The following SULF1 variants were observed in gnomAD, a reference collection of about 807,000 sequenced individuals.
SULF1 encodes extracellular sulfatase Sulf-1.
SULF1 carries 46 observed loss-of-function variants against 110.5 expected under a neutral mutation model. The observed-to-expected ratio is 0.42, with a 90% CI of 0.33 to 0.53. The LOEUF (loss-of-function observed/expected upper bound fraction) is 0.53. Ranked by LOEUF, SULF1 falls within the 20% of genes least tolerant of loss-of-function variation. The pLI is 0.12. For missense variants in SULF1, 941 were observed against 1,094.2 expected (o/e 0.86, Z 1.98); for synonymous variants, 371 against 387.1 (o/e 0.96, Z 0.49).
In SULF1 at chr8:69,494,036, T is replaced by C. The variant is rs140905182; in HGVS notation, c.-391+911T>C. On this transcript the variant is annotated intron_variant, in intron 1 of 22. Coordinates refer to ENST00000402687, the MANE Select transcript of SULF1 (RefSeq NM_001128205.2). ...ATTTTGGGCAATTGTACAATTTGCA[T>C]TTATAAAACCGTGATTATAACTTGG... Among the ~76,000 whole-genome samples, 124 of 152,066 alleles carry C rather than the reference T, an allele frequency of 8.2e-4. 1 individual carries two copies. Among genetic ancestry groups the C allele is most frequent in the African/African-American group, 2.7e-3 (114 of 41,558 alleles).
At position 69,591,636 on chromosome 8, in the gene SULF1, G is replaced by C. The variant is rs568390432; in HGVS notation, c.734+2495G>C. 2.0e-5 allele frequency among the ~76,000 whole-genome samples: 3 copies of C among 152,012 alleles called. No homozygotes were observed. The East Asian group carries it at 5.8e-4, about 29-fold the overall frequency. On this transcript the variant is annotated intron_variant, in intron 8 of 22. Coordinates refer to ENST00000402687, the MANE Select transcript of SULF1 (RefSeq NM_001128205.2). The stretch of plus-strand genomic sequence containing the variant: ...AATTAAAAATTCTATTTCATTCCAC[G>C]AATATTTATCAGTGCCACATGTGAC...
chr8:69,491,122 C>A (rs1358223885), upstream of SULF1, among the ~76,000 whole-genome samples: 1 of 152,148 alleles, frequency 6.6e-6, no homozygotes. Flanking sequence ...CATAGACACA[C>A]CCCAAGTCTC....
chr8:69,634,751 A>G (rs752198731), intron 19 of SULF1, among the ~76,000 whole-genome samples: 13 of 152,168 alleles, frequency 8.5e-5, no homozygotes, highest in Non-Finnish European at 1.6e-4. Flanking sequence ...AAGAAAAAAA[A>G]AGAGAGAGAG....
chr8:69,501,867 A>G lies in SULF1; in HGVS notation c.-228-7A>G, dbSNP rs1427988463. ...ACTGATGGCAATTTTGCTCTTTTCC[A>G]TCGTAGGTGCTGACGGCCACCCACC... On this transcript the variant is annotated splice_region_variant and splice_polypyrimidine_tract_variant and intron_variant, in intron 2 of 22. Transcript: ENST00000402687. 1 of 152,220 alleles carries G rather than the reference A, an allele frequency of 6.6e-6. No homozygotes were observed. The highest frequency in any genetic ancestry group is 2.4e-5 in the African/African-American group (1 of 41,454). The allele number at this position is 152,220 out of a possible 1,614,324, so 9.4% of individuals were successfully genotyped here. A position where few individuals can be genotyped will look rare whatever the true frequency, so the allele number is the denominator to read the frequency against.
chr8:69,605,002 A>C, intron 13 of SULF1, 70 bp downstream of exon 13: 9 of 1,586,616 alleles, frequency 5.7e-6, no homozygotes, highest in Non-Finnish European at 7.7e-6. Context: ...AATTGTCCAC[A>C]TATAAAAGAA....
At chr8:69,654,349 C>T (rs879260454) in intron 22 of SULF1, among the ~76,000 whole-genome samples, 4 of 152,196 alleles carry the variant, frequency 2.6e-5, no homozygotes, top group Admixed American at 6.5e-5. Flanking sequence ...CACTAGACTA[C>T]CAATAATAGG....
chr8:69,588,218 C>CA lies in SULF1; in HGVS notation c.565-754_565-753insA, dbSNP rs1382544153. On this transcript the variant is annotated intron_variant, in intron 7 of 22. Coordinates refer to ENST00000402687, the MANE Select transcript of SULF1 (RefSeq NM_001128205.2). The stretch of plus-strand genomic sequence containing the variant: ...CCTCCCTCTTACAGACCTGCATCAG[C>CA]CCCCCCTGACTGTGGGTTAAGTCAT... Among the ~76,000 whole-genome samples the CA allele has an allele frequency of 2.0e-5, 3 of 151,552 alleles. No homozygotes were observed. In the East Asian group the frequency reaches 6.1e-4, roughly 31 times the overall value.
At chr8:69,533,666 G>A (rs1813253297) in intron 3 of SULF1, among the ~76,000 whole-genome samples, 1 of 152,118 alleles carries the variant, frequency 6.6e-6, no homozygotes, top group African/African-American at 2.4e-5. Context: ...ATGGGCATTT[G>A]GGTCGATTCC....
chr8:69,578,553 G>A (rs969852826), intron 6 of SULF1, among the ~76,000 whole-genome samples: 19 of 130,032 alleles, frequency 1.5e-4, no homozygotes, highest in Non-Finnish European at 2.0e-4. Flanking sequence ...AGCCGGCACC[G>A]GGACCTTAGT....
At chr8:69,603,130 A>G in intron 10 of SULF1, 62 bp from the exon 11 acceptor site, 1 of 1,604,756 alleles carries the variant, frequency 6.2e-7, no homozygotes, top group African/African-American at 1.3e-5. Context: ...TAGAAAAAGC[A>G]GCCCTAAGTG....
intron 3 of SULF1, among the ~76,000 whole-genome samples, chr8:69,546,690 T>C (rs1814280576): frequency 6.6e-6 from 1 of 152,252 alleles, no homozygotes. Context: ...CTCTGAGCTA[T>C]TTTGTAGACA....
Position 69,520,226 on chromosome 8 carries a change from T to G in SULF1, c.-134+18258T>G, listed in dbSNP as rs1056731675. 2.0e-5 allele frequency among the ~76,000 whole-genome samples: 3 copies of G among 152,048 alleles called. No homozygotes were observed. In the East Asian group the frequency reaches 5.8e-4, roughly 29 times the overall value. On this transcript the variant is annotated intron_variant, in intron 3 of 22. Coordinates refer to ENST00000402687, the MANE Select transcript of SULF1 (RefSeq NM_001128205.2). ...TTGTTATTATCAATCACACAGTCTT[T>G]TAATACATAATCTCATTTGATCCAC...
At position 69,499,111 on chromosome 8, in the gene SULF1, G is replaced by A. The variant is rs140523167; in HGVS notation, c.-228-2763G>A. ...TGACTTCAAGCAATCTGCCCGCCTC[G>A]GCCTCCCAAACTGCTGGGATTACAG... is the stretch of plus-strand genomic sequence containing the variant. On this transcript the variant is annotated intron_variant, in intron 2 of 22. Coordinates refer to ENST00000402687, the MANE Select transcript of SULF1 (RefSeq NM_001128205.2). 1.2e-3 allele frequency among the ~76,000 whole-genome samples: 190 copies of A among 152,106 alleles called. 1 individual carries two copies. The East Asian group carries it at 0.023, about 19-fold the overall frequency.
chr8:69,537,918 A>G (rs1284183815), intron 3 of SULF1, among the ~76,000 whole-genome samples: 1 of 76,804 alleles, frequency 1.3e-5, no homozygotes, highest in African/African-American at 4.4e-5. Context: ...TAGAATAGAA[A>G]ATTGAAAAAA....
intron 1 of SULF1, among the ~76,000 whole-genome samples, chr8:69,494,683 C>T (rs1306275560): frequency 6.6e-6 from 1 of 152,156 alleles, no homozygotes; most frequent in East Asian, 1.9e-4. Flanking sequence ...AGAAGGAACA[C>T]AAGCTTTGAT....
intron 3 of SULF1, among the ~76,000 whole-genome samples, chr8:69,554,545 A>G (rs560062994): frequency 6.6e-6 from 1 of 152,290 alleles, no homozygotes; most frequent in East Asian, 1.9e-4. Flanking sequence ...CAGTAAACTA[A>G]CACAGATGTC....
intron 6 of SULF1, among the ~76,000 whole-genome samples, chr8:69,584,268 G>A (rs1806288255): frequency 6.6e-6 from 1 of 152,224 alleles, no homozygotes; most frequent in Admixed American, 6.5e-5. Context: ...AGGGATGGCA[G>A]GAGGGATTTG....
chr8:69,566,337 T>C (rs1031816762), intron 5 of SULF1, among the ~76,000 whole-genome samples: 5 of 152,184 alleles, frequency 3.3e-5, no homozygotes, highest in Admixed American at 1.3e-4. Context: ...AAATTGCTCA[T>C]AACTTTCTTT....
At chr8:69,608,216 A>G (rs12678106) in intron 13 of SULF1, among the ~76,000 whole-genome samples, 46,948 of 152,080 alleles carry the variant, frequency 0.31, 7,493 homozygotes, top group Middle Eastern at 0.35. Flanking sequence ...CAGGTTTTCT[A>G]TCTCTAAAAT....
Sources: allele counts gnomAD v4.1 joint callset (sites outside exome capture counted in the v4.1 genomes callset), GRCh38; gene constraint gnomAD v4.1.1; transcripts MANE v1.5; gene names NCBI Gene and HGNC (gene_info 2026-07-23, HGNC 2026-07-21).